The following LRRC4C variants were observed in gnomAD, a reference collection of about 807,000 sequenced individuals.
LRRC4C encodes leucine-rich repeat-containing protein 4C.
Under a neutral mutation model 33.6 loss-of-function variants are expected in LRRC4C, and 5 were observed. The ratio of observed to expected loss-of-function variants is 0.15; its 90% confidence interval spans 0.08 to 0.31. The LOEUF (loss-of-function observed/expected upper bound fraction) is 0.31, where lower values mean the gene tolerates loss of function less well. Among genes scored for constraint, LRRC4C ranks in the 10% least tolerant of loss-of-function variants. The probability of loss-of-function intolerance (pLI) is 1.00; values close to 1 mark genes in which losing one functional copy is unlikely to be tolerated. For synonymous variants in LRRC4C, 329 were observed against 302.0 expected (o/e 1.09, Z -0.93); for missense variants, 560 against 796.7 (o/e 0.70, Z 3.58).
intron 2 of LRRC4C, among the ~76,000 whole-genome samples, chr11:40,680,607 C>T (rs546637191): frequency 6.6e-6 from 1 of 152,272 alleles, no homozygotes; most frequent in East Asian, 1.9e-4. Context: ...AGTTTCTCTG[C>T]ACAAGCTATT....
intron 4 of LRRC4C, among the ~76,000 whole-genome samples, chr11:40,260,172 A>G (rs1331774831): frequency 4.0e-4 from 49 of 121,320 alleles, no homozygotes; most frequent in African/African-American, 1.5e-3. Context: ...CAACAATGAT[A>G]GACTGGATTA....
At chr11:40,665,342 ATATATATATATATATATATATG>A (rs1217333461) in intron 2 of LRRC4C, among the ~76,000 whole-genome samples, 628 of 16,870 alleles carry the variant, frequency 0.037, 14 homozygotes, top group African/African-American at 0.067. Context: ...ATATATATAT[ATATATATATATATATATATATG>A]TATATATATA....
intron 1 of LRRC4C, among the ~76,000 whole-genome samples, chr11:40,952,044 C>A (rs1022839347): frequency 3.2e-4 from 48 of 151,444 alleles, no homozygotes; most frequent in South Asian, 6.2e-4. Flanking sequence ...TTTTTTTTTA[C>A]CACAAATTGC....
chr11:40,718,727 A>C (rs534516697), intron 2 of LRRC4C, among the ~76,000 whole-genome samples: 1 of 152,330 alleles, frequency 6.6e-6, no homozygotes, highest in South Asian at 2.1e-4. Context: ...GCATGCTGCT[A>C]TTTGTAAATA....
At chr11:41,363,240 C>T (rs775316177) in intron 1 of LRRC4C, among the ~76,000 whole-genome samples, 11 of 152,158 alleles carry the variant, frequency 7.2e-5, no homozygotes, top group Non-Finnish European at 1.3e-4. Context: ...CCCTGCCCAC[C>T]AAGCTGAGTC....
At chr11:40,813,735 G>A (rs1221022030) in intron 2 of LRRC4C, among the ~76,000 whole-genome samples, 1 of 151,918 alleles carries the variant, frequency 6.6e-6, no homozygotes, top group African/African-American at 2.4e-5. Context: ...ATACAATGAG[G>A]GTATCAGCAT....
intron 1 of LRRC4C, among the ~76,000 whole-genome samples, chr11:40,990,626 C>T (rs1465349659): frequency 6.6e-6 from 1 of 152,048 alleles, no homozygotes; most frequent in Non-Finnish European, 1.5e-5. Context: ...ACATTCTTTG[C>T]CTTTTACATT....
chr11:40,132,962 C>A (rs1856745382), intron 6 of LRRC4C, among the ~76,000 whole-genome samples: 1 of 152,078 alleles, frequency 6.6e-6, no homozygotes, highest in Non-Finnish European at 1.5e-5. Context: ...ATTTTGTTTT[C>A]ATCTAGGTTA....
In LRRC4C at chr11:41,097,557, G is replaced by A. The variant is rs537810837; in HGVS notation, c.-495-163834C>T. Among the ~76,000 whole-genome samples the A allele has an allele frequency of 1.5e-4, 23 of 152,128 alleles. No individual in the cohort carries two copies. The South Asian group carries it at 4.8e-3, about 32-fold the overall frequency. On this transcript the variant is annotated intron_variant, in intron 1 of 6. Coordinates refer to ENST00000528697, the MANE Select transcript of LRRC4C (RefSeq NM_001258419.2). ...TCTCTAAAAATAATAGTGACCTATG[G>A]AGAAACCATTGAAGAACCTGAAATA... is the stretch of plus-strand genomic sequence containing the variant.
chr11:40,207,274 G>C (rs543801543), intron 5 of LRRC4C, among the ~76,000 whole-genome samples: 1 of 152,136 alleles, frequency 6.6e-6, no homozygotes, highest in Non-Finnish European at 1.5e-5. Flanking sequence ...CCATGCTGTG[G>C]AAAATTGTGA....
At chr11:40,959,662 A>G (rs1184504254) in intron 1 of LRRC4C, among the ~76,000 whole-genome samples, 1 of 151,602 alleles carries the variant, frequency 6.6e-6, no homozygotes, top group Non-Finnish European at 1.5e-5. Context: ...TTGCCCTTCC[A>G]TTTTCTCTAT....
rs542536722 is a variant in LRRC4C, at chr11:40,980,607, C to A, written c.-495-46884G>T. On this transcript the variant is annotated intron_variant, in intron 1 of 6. Coordinates refer to ENST00000528697, the MANE Select transcript of LRRC4C (RefSeq NM_001258419.2). Reference sequence around the variant, plus strand: ...TAAGCAATTAAAAAATGGATGAAGACAGATCAAAAACTGAGACTTCCTTTC... The same window carrying A: ...TAAGCAATTAAAAAATGGATGAAGAAAGATCAAAAACTGAGACTTCCTTTC... Among the ~76,000 whole-genome samples, 6 of 152,216 alleles carry A rather than the reference C, an allele frequency of 3.9e-5. No homozygotes were observed. In the South Asian group the frequency reaches 8.3e-4, roughly 21 times the overall value.
intron 2 of LRRC4C, among the ~76,000 whole-genome samples, chr11:40,791,012 C>G (rs1950602482): frequency 1.3e-5 from 2 of 152,108 alleles, no homozygotes; most frequent in Admixed American, 6.5e-5. Flanking sequence ...TGAAAAATTC[C>G]ACACAATATG....
At chr11:40,426,531 T>A (rs1280974659) in intron 3 of LRRC4C, among the ~76,000 whole-genome samples, 2 of 152,218 alleles carry the variant, frequency 1.3e-5, no homozygotes, top group Non-Finnish European at 2.9e-5. Flanking sequence ...ACGCCTACTC[T>A]GACCAGTTCA....
intron 4 of LRRC4C, among the ~76,000 whole-genome samples, chr11:40,256,030 T>C (rs997447782): frequency 5.3e-5 from 8 of 152,222 alleles, no homozygotes; most frequent in African/African-American, 1.9e-4. Context: ...AGTTTCCTAT[T>C]ATGACCATCA....
intron 2 of LRRC4C, among the ~76,000 whole-genome samples, chr11:40,851,150 T>C (rs1278601666): frequency 6.6e-6 from 1 of 152,010 alleles, no homozygotes; most frequent in Non-Finnish European, 1.5e-5. Context: ...TCTGTCTTGC[T>C]GGCTTTCCAG....
At chr11:40,351,193 G>A (rs1363290476) in intron 3 of LRRC4C, among the ~76,000 whole-genome samples, 1 of 151,788 alleles carries the variant, frequency 6.6e-6, no homozygotes, top group African/African-American at 2.4e-5. Flanking sequence ...TAATTTCCAT[G>A]TGTTTGTACA....
At chr11:40,942,650 T>C (rs188642092) in intron 1 of LRRC4C, among the ~76,000 whole-genome samples, 154 of 152,144 alleles carry the variant, frequency 1.0e-3, no homozygotes, top group African/African-American at 3.6e-3. Flanking sequence ...TTATACAAAG[T>C]GGTTTGACCT....
chr11:41,356,304 T>C (rs551995713), intron 1 of LRRC4C, among the ~76,000 whole-genome samples: 2 of 152,318 alleles, frequency 1.3e-5, no homozygotes, highest in Admixed American at 1.3e-4. Context: ...TTATATCTAC[T>C]GGTAGATCAC....
Sources: allele counts gnomAD v4.1 joint callset (sites outside exome capture counted in the v4.1 genomes callset), GRCh38; gene constraint gnomAD v4.1.1; transcripts MANE v1.5; gene names NCBI Gene and HGNC (gene_info 2026-07-23, HGNC 2026-07-21).